RAD51B: variants seen among roughly 807,000 people sequenced by gnomAD.
RAD51B encodes DNA repair protein RAD51 homolog 2.
A neutral mutation model predicts 42.2 loss-of-function variants in RAD51B; 38 were observed. That is an observed-to-expected ratio of 0.90 (90% CI 0.70 to 1.18). RAD51B has a LOEUF of 1.18. RAD51B is among the 50% of genes most tolerant of loss of function. The probability of loss-of-function intolerance (pLI) is 0.00; values close to 1 mark genes in which losing one functional copy is unlikely to be tolerated. For missense variants in RAD51B, 373 were observed against 400.7 expected (o/e 0.93, Z 0.59); for synonymous variants, 154 against 145.2 (o/e 1.06, Z -0.43).
chr14:68,429,813 G>A (rs1264372088), intron 9 of RAD51B, among the ~76,000 whole-genome samples: 1 of 147,708 alleles, frequency 6.8e-6, no homozygotes, highest in East Asian at 1.9e-4. Flanking sequence ...TAGACATGAA[G>A]TCCTTACCCA....
intron 7 of RAD51B, among the ~76,000 whole-genome samples, chr14:68,074,142 TTCTC>T (rs1228411023): frequency 6.6e-6 from 1 of 152,200 alleles, no homozygotes; most frequent in Non-Finnish European, 1.5e-5. Context: ...TGCTCTCTCT[TTCTC>T]TCTTTCAGGG....
At chr14:68,358,307 C>T (rs74059303) in intron 8 of RAD51B, among the ~76,000 whole-genome samples, 7,351 of 152,230 alleles carry the variant, frequency 0.048, 593 homozygotes, top group African/African-American at 0.17. Context: ...CACAAACGTT[C>T]AATTTGTAGA....
intron 7 of RAD51B, among the ~76,000 whole-genome samples, chr14:68,112,771 G>T (rs1029580035): frequency 2.6e-5 from 4 of 152,122 alleles, no homozygotes; most frequent in African/African-American, 9.7e-5. Flanking sequence ...ATACCTGCTA[G>T]ATGCTTTTTG....
chr14:68,587,923 G>T (rs937508790), intron 10 of RAD51B, among the ~76,000 whole-genome samples: 1 of 152,218 alleles, frequency 6.6e-6, no homozygotes, highest in Non-Finnish European at 1.5e-5. Flanking sequence ...ATTTAAAAAG[G>T]CAGTGTGGTA....
Position 68,149,222 on chromosome 14 carries a change from C to T in RAD51B, c.757-142662C>T, listed in dbSNP as rs1328913207. On this transcript the variant is annotated intron_variant, in intron 7 of 10. Transcript: ENST00000471583. ...TTTTAATTTTAATGAAGCCTAACATCAATTTTTTTTTCATGGATTGTGCTT... is the reference window on the plus strand; with the variant it reads ...TTTTAATTTTAATGAAGCCTAACATTAATTTTTTTTTCATGGATTGTGCTT... Among the ~76,000 whole-genome samples, 3 of 152,052 alleles carry T rather than the reference C, an allele frequency of 2.0e-5. No homozygotes were observed. In the East Asian group the frequency reaches 5.8e-4, roughly 29 times the overall value.
chr14:68,339,125 G>A (rs1364511761), intron 8 of RAD51B: 16 of 702,236 alleles, frequency 2.3e-5, no homozygotes, highest in Non-Finnish European at 4.2e-5. Context: ...CTGCTCGAAG[G>A]ACAGGTGGTC....
At chr14:68,622,723 CAAAAAAA>C (rs34816047) in intron 10 of RAD51B, among the ~76,000 whole-genome samples, 4 of 115,456 alleles carry the variant, frequency 3.5e-5, no homozygotes, top group Non-Finnish European at 7.1e-5. Flanking sequence ...TATCCATTTA[CAAAAAAA>C]AAAAAAAAAA....
chr14:67,905,187 G>T (rs1009940091), intron 7 of RAD51B, among the ~76,000 whole-genome samples: 1 of 151,668 alleles, frequency 6.6e-6, no homozygotes, highest in Non-Finnish European at 1.5e-5. Flanking sequence ...ATGCTGCTGG[G>T]ATTACTTGTT....
chr14:68,542,178 G>T lies in RAD51B; in HGVS notation c.1037-52307G>T, dbSNP rs76456078. Among the ~76,000 whole-genome samples the T allele has an allele frequency of 7.4e-3, 1,117 of 151,960 alleles. 13 individuals are homozygous for T. Among genetic ancestry groups the T allele is most frequent in the African/African-American group, 0.026 (1,087 of 41,408 alleles). On this transcript the variant is annotated intron_variant, in intron 10 of 10. Transcript: ENST00000487270. Reference sequence around the variant, plus strand: ...GTCAAAAGCACAATAAATATGTCAGGGGAGTTCCATTTATATCATTTGAAT... The same window carrying T: ...GTCAAAAGCACAATAAATATGTCAGTGGAGTTCCATTTATATCATTTGAAT...
At chr14:68,142,185 A>G (rs1353438138) in intron 7 of RAD51B, among the ~76,000 whole-genome samples, 2 of 152,128 alleles carry the variant, frequency 1.3e-5, no homozygotes, top group Non-Finnish European at 1.5e-5. Context: ...ATAGTACTGG[A>G]AGAAAAAATT....
chr14:67,848,463 G>C (rs1385829088), intron 4 of RAD51B, among the ~76,000 whole-genome samples: 1 of 152,000 alleles, frequency 6.6e-6, no homozygotes, highest in Admixed American at 6.6e-5. Flanking sequence ...TTTTTACTTT[G>C]AGCCTGTGGG....
intron 7 of RAD51B, among the ~76,000 whole-genome samples, chr14:67,977,206 C>T (rs1417587567): frequency 6.6e-6 from 1 of 152,154 alleles, no homozygotes; most frequent in East Asian, 1.9e-4. Flanking sequence ...AATCCTTTTA[C>T]TTCTCGCATC....
chr14:68,674,228 CAT>C (rs1465576111), intron 11 of RAD51B, among the ~76,000 whole-genome samples: 9 of 152,124 alleles, frequency 5.9e-5, no homozygotes, highest in Admixed American at 1.3e-4. Flanking sequence ...CGTGTACACA[CAT>C]ATGTATACAC....
At chr14:68,569,034 G>A (rs1889562682) in intron 10 of RAD51B, among the ~76,000 whole-genome samples, 1 of 152,156 alleles carries the variant, frequency 6.6e-6, no homozygotes, top group Non-Finnish European at 1.5e-5. Context: ...AGGGCTTTGG[G>A]GTCTGGTTGG....
intron 3 of RAD51B, among the ~76,000 whole-genome samples, chr14:67,833,530 T>C (rs1267776228): frequency 6.6e-6 from 1 of 152,214 alleles, no homozygotes; most frequent in Non-Finnish European, 1.5e-5. Flanking sequence ...CTATGTTTTT[T>C]GGATCTGATA....
At chr14:68,594,712 A>C in exon 11 of RAD51B, 1 of 1,262,862 alleles carries the variant, frequency 7.9e-7, no homozygotes. Flanking sequence ...TACAAGTATG[A>C]GACTTTGCCA....
intron 7 of RAD51B, among the ~76,000 whole-genome samples, chr14:67,904,800 A>G (rs2043728835): frequency 6.6e-6 from 1 of 151,880 alleles, no homozygotes; most frequent in Admixed American, 6.6e-5. Flanking sequence ...AATTCTCTAT[A>G]GATTCTGGAT....
At chr14:68,068,272 T>C (rs1249801784) in intron 7 of RAD51B, among the ~76,000 whole-genome samples, 1 of 150,424 alleles carries the variant, frequency 6.6e-6, no homozygotes, top group Non-Finnish European at 1.5e-5. Flanking sequence ...ATAGTCACTC[T>C]GCATTTCTTC....
chr14:68,410,533 G>A (rs17105561), intron 8 of RAD51B, among the ~76,000 whole-genome samples: 54,687 of 151,940 alleles, frequency 0.36, 10,354 homozygotes, highest in South Asian at 0.52. Flanking sequence ...ATGGCCTAGG[G>A]CCAAAGTTGG....
Sources: allele counts gnomAD v4.1 joint callset (sites outside exome capture counted in the v4.1 genomes callset), GRCh38; gene constraint gnomAD v4.1.1; transcripts MANE v1.5; gene names NCBI Gene and HGNC (gene_info 2026-07-23, HGNC 2026-07-21).